The following HEATR5A variants were observed in gnomAD, a reference collection of about 807,000 sequenced individuals.
HEATR5A encodes the protein HEAT repeat containing 5A, also known as HEAT repeat-containing protein 5A.
A neutral mutation model predicts 218.8 loss-of-function variants in HEATR5A; 178 were observed. That is an observed-to-expected ratio of 0.81 (90% CI 0.72 to 0.92). The LOEUF is 0.92. Among genes scored for constraint, HEATR5A ranks in the 40% least tolerant of loss-of-function variants. The pLI, the probability that HEATR5A is intolerant of heterozygous loss-of-function variation, is 0.00. For missense variants in HEATR5A, 2,420 were observed against 2,418.9 expected (o/e 1.00, Z -0.01); for synonymous variants, 864 against 871.6 (o/e 0.99, Z 0.15).
chr14:31,304,853 TA>T, intron 32 of HEATR5A, 51 bp downstream of exon 32: 1 of 1,579,502 alleles, frequency 6.3e-7, no homozygotes, highest in Non-Finnish European at 8.6e-7. Flanking sequence ...CATTATCTAT[TA>T]AAACCATTTC....
chr14:31,326,642 AT>A (rs138270507), intron 22 of HEATR5A, among the ~76,000 whole-genome samples: 26 of 151,798 alleles, frequency 1.7e-4, no homozygotes, highest in African/African-American at 6.0e-4. Flanking sequence ...TACTTACAAA[AT>A]TTTTTTTTCT....
At position 31,321,355 on chromosome 14, in the gene HEATR5A, G is replaced by A. The variant is rs112853950; in HGVS notation, c.3969+144C>T. On this transcript the variant is annotated intron_variant, in intron 25 of 35. Transcript: ENST00000543095. ...GAGATGGGGTTTCGTCATGCTGCCC[G>A]GTCTTGAACTCCTGGGCTCAAAGCT... 9.3e-3 allele frequency: 4,816 copies of A among 519,984 alleles called. 133 individuals are homozygous for A. The highest frequency in any genetic ancestry group is 0.069 in the African/African-American group (3,499 of 50,914). The allele number at this position is 519,984 out of a possible 1,614,324, so 32.2% of individuals were successfully genotyped here. A position where few individuals can be genotyped will look rare whatever the true frequency, so the allele number is the denominator to read the frequency against.
At chr14:31,322,019 C>T (rs536098621) in intron 24 of HEATR5A, among the ~76,000 whole-genome samples, 89 of 152,234 alleles carry the variant, frequency 5.8e-4, no homozygotes, top group Admixed American at 3.1e-3. Context: ...TGGGCTTTGA[C>T]TAATTAAGCA....
At chr14:31,326,429 A>C in intron 22 of HEATR5A, 87 bp from the exon 23 acceptor site, 2 of 953,244 alleles carry the variant, frequency 2.1e-6, no homozygotes, top group Non-Finnish European at 3.2e-6. Flanking sequence ...TTATTCAAAT[A>C]GTAGATAAAA....
chr14:31,408,481 T>C (rs2139318133), intron 1 of HEATR5A, among the ~76,000 whole-genome samples: 1 of 152,256 alleles, frequency 6.6e-6, no homozygotes, highest in South Asian at 2.1e-4. Flanking sequence ...TTAACAAAAA[T>C]CACTCCCTTT....
Position 31,354,348 on chromosome 14 carries a change from A to C in HEATR5A, c.2412-3631T>G, listed in dbSNP as rs532875671. Among the ~76,000 whole-genome samples, 6 of 152,346 alleles carry C rather than the reference A, an allele frequency of 3.9e-5. 1 individual carries two copies. Among genetic ancestry groups the C allele is most frequent in the African/African-American group, 1.4e-4 (6 of 41,584 alleles). On this transcript the variant is annotated intron_variant, in intron 16 of 35. Coordinates refer to ENST00000543095, the MANE Select transcript of HEATR5A (RefSeq NM_015473.4). The stretch of plus-strand genomic sequence containing the variant: ...GTTGCACTGTACTATAAGTTGACCT[A>C]TACAATTATTTCTTGACCACATTCA...
At chr14:31,338,548 A>G (rs1281831153) in intron 21 of HEATR5A, among the ~76,000 whole-genome samples, 1 of 152,190 alleles carries the variant, frequency 6.6e-6, no homozygotes, top group Non-Finnish European at 1.5e-5. Flanking sequence ...TTAATGGATA[A>G]AAATTCTTAG....
At chr14:31,324,884 A>G (rs1387946848) in intron 23 of HEATR5A, among the ~76,000 whole-genome samples, 1 of 152,208 alleles carries the variant, frequency 6.6e-6, no homozygotes, top group African/African-American at 2.4e-5. Flanking sequence ...AACCATTGGA[A>G]GAGGGACCAA....
intron 16 of HEATR5A, among the ~76,000 whole-genome samples, chr14:31,352,890 A>C (rs534383597): frequency 6.6e-6 from 1 of 152,138 alleles, no homozygotes; most frequent in South Asian, 2.1e-4. Flanking sequence ...CCAAGAGTGG[A>C]GGTTGCAGTG....
At chr14:31,389,143 TACAC>T (rs571637824) in intron 6 of HEATR5A, 138 bp from the exon 7 acceptor site, 69 of 754,690 alleles carry the variant, frequency 9.1e-5, no homozygotes, top group Non-Finnish European at 1.4e-4. Context: ...CAGAACAGTC[TACAC>T]AGTAACACAC....
chr14:31,344,188 A>G, intron 20 of HEATR5A, 123 bp from the exon 21 acceptor site: 1 of 476,314 alleles, frequency 2.1e-6, no homozygotes, highest in Non-Finnish European at 3.5e-6. Flanking sequence ...TAAAATTTAC[A>G]GTCACTACAA....
At chr14:31,372,103 ACT>A (rs1404987324) in intron 12 of HEATR5A, among the ~76,000 whole-genome samples, 194 bp from the exon 13 acceptor site, 1 of 151,102 alleles carries the variant, frequency 6.6e-6, no homozygotes, top group African/African-American at 2.4e-5. Context: ...AACAACAACA[ACT>A]CTCTAGGAGT....
intron 20 of HEATR5A, among the ~76,000 whole-genome samples, 200 bp from the exon 21 acceptor site, chr14:31,344,265 A>ATTTTTTT (rs1245011736): frequency 9.1e-5 from 5 of 54,922 alleles, no homozygotes; most frequent in Admixed American, 2.0e-4. Context: ...TAGATTAGTT[A>ATTTTTTT]TTCTTTTTTT....
In HEATR5A at chr14:31,394,112, C is replaced by T. The variant is rs1404791706; in HGVS notation, c.712G>A (p.Val238Ile). 1 of 1,535,626 alleles carries T rather than the reference C, an allele frequency of 6.5e-7. No individual in the cohort carries two copies. ...AATATTATGCCTAGTAACTTTGAAA[C>T]AGAAATCCGCACATCATAATTGGAA... ...EGSNYDVRIS[V>I]SKLLGIILAK... Residue 238 changes from valine (V) to isoleucine (I), a missense_variant, in exon 6 of 36, where the codon GTT becomes ATT. By Grantham distance (29) the Val-to-Ile change is conservative (BLOSUM62 3). Coordinates refer to ENST00000543095, the MANE Select transcript of HEATR5A (RefSeq NM_015473.4).
intron 16 of HEATR5A, among the ~76,000 whole-genome samples, chr14:31,354,472 A>T (rs1901349484): frequency 6.6e-6 from 1 of 152,184 alleles, no homozygotes; most frequent in Non-Finnish European, 1.5e-5. Flanking sequence ...CTATTAACTA[A>T]TCAAGGATTC....
intron 27 of HEATR5A, 148 bp downstream of exon 27, chr14:31,315,622 A>G (rs547035896): frequency 2.2e-4 from 125 of 580,252 alleles, no homozygotes; most frequent in Non-Finnish European, 3.5e-4. Flanking sequence ...ATATTAACAT[A>G]TAAATACATC....
chr14:31,375,825 A>T (rs1902206732), intron 11 of HEATR5A, among the ~76,000 whole-genome samples: 1 of 152,234 alleles, frequency 6.6e-6, no homozygotes, highest in African/African-American at 2.4e-5. Context: ...GAATTGAAGG[A>T]ATCATGACAC....
Position 31,345,158 on chromosome 14 carries a change from T to C in HEATR5A, c.2987A>G (p.His996Arg). 1.2e-6 allele frequency: 2 copies of C among 1,613,964 alleles called. No individual in the cohort carries two copies. The highest frequency in any genetic ancestry group is 1.7e-6 in the Non-Finnish European group (2 of 1,179,872). Residue 996 changes from histidine (H) to arginine (R), a missense_variant, in exon 20 of 36, where the codon CAT (histidine) becomes CGT (arginine). By Grantham distance (29) the His-to-Arg change is conservative. Transcript: ENST00000543095. ...ACCAAGGCTTTGGTGAACTTCAGCA[T>C]GAGTAGGAGGCACATTTAACAACAA... ...IMLLLNVPPT[H>R]AEVHQSLGRC...
At chr14:31,372,937 C>T (rs1327201912) in intron 12 of HEATR5A, among the ~76,000 whole-genome samples, 18 of 151,470 alleles carry the variant, frequency 1.2e-4, no homozygotes, top group African/African-American at 4.1e-4. Context: ...CCGACCCCAC[C>T]TCCCACACCC....
Sources: allele counts gnomAD v4.1 joint callset (sites outside exome capture counted in the v4.1 genomes callset), GRCh38; gene constraint gnomAD v4.1.1; transcripts MANE v1.5; gene names NCBI Gene and HGNC (gene_info 2026-07-23, HGNC 2026-07-21).